COL22A1: variants seen among roughly 807,000 people sequenced by gnomAD.
COL22A1 encodes collagen alpha-1(XXII) chain.
COL22A1 carries 221 observed loss-of-function variants against 248.9 expected under a neutral mutation model. The observed-to-expected ratio is 0.89, with a 90% CI of 0.80 to 0.99. The LOEUF (loss-of-function observed/expected upper bound fraction) is 0.99. Among genes scored for constraint, COL22A1 ranks in the 50% least tolerant of loss-of-function variants. The probability of loss-of-function intolerance (pLI) is 0.00; values close to 1 mark genes in which losing one functional copy is unlikely to be tolerated. For missense variants in COL22A1, 2,240 were observed against 2,179.0 expected (o/e 1.03, Z -0.56); for synonymous variants, 891 against 793.4 (o/e 1.12, Z -2.07).
chr8:138,590,561 T>A (rs1816956057), intron 64 of COL22A1, among the ~76,000 whole-genome samples: 1 of 152,044 alleles, frequency 6.6e-6, no homozygotes, highest in Admixed American at 6.5e-5. Context: ...TTTCTAATTA[T>A]CTTATCTAAC....
intron 12 of COL22A1, among the ~76,000 whole-genome samples, chr8:138,784,870 T>C (rs1290434471): frequency 6.6e-6 from 1 of 152,146 alleles, no homozygotes; most frequent in Non-Finnish European, 1.5e-5. Flanking sequence ...TGCCCAAAGT[T>C]ACAGTGCTTA....
chr8:138,868,235 C>G (rs777261486), intron 3 of COL22A1, among the ~76,000 whole-genome samples: 3 of 152,162 alleles, frequency 2.0e-5, no homozygotes, highest in Non-Finnish European at 2.9e-5. Flanking sequence ...CCAGGCCTTC[C>G]CTGACTTCTC....
chr8:138,806,191 GGT>G (rs754899344), intron 10 of COL22A1, among the ~76,000 whole-genome samples: 1,667 of 96,846 alleles, frequency 0.017, 50 homozygotes, highest in African/African-American at 0.08. Flanking sequence ...GGTGTGTGAT[GGT>G]GTGTGTGTGA....
chr8:138,683,903 T>G (rs1360564595), intron 39 of COL22A1, among the ~76,000 whole-genome samples: 4 of 152,188 alleles, frequency 2.6e-5, no homozygotes, highest in Non-Finnish European at 4.4e-5. Flanking sequence ...CATTTAATGG[T>G]AAGTATTTAT....
intron 13 of COL22A1, among the ~76,000 whole-genome samples, chr8:138,780,109 C>T (rs1814825158): frequency 6.6e-6 from 1 of 152,158 alleles, no homozygotes; most frequent in African/African-American, 2.4e-5. Flanking sequence ...TGGAAGTCAA[C>T]AAAATTAACT....
chr8:138,703,286 T>C lies in COL22A1; in HGVS notation c.2559+20A>G, dbSNP rs768442066. 6.2e-7 allele frequency: 1 copy of C among 1,607,260 alleles called. No individual in the cohort carries two copies. Among genetic ancestry groups the C allele is most frequent in the Non-Finnish European group, 8.5e-7 (1 of 1,173,930 alleles). On this transcript the variant is annotated intron_variant, in intron 31 of 64. Coordinates refer to ENST00000303045, the MANE Select transcript of COL22A1 (RefSeq NM_152888.3). ...ATATAGGAATTCAGAGGAGAAAGAATTAGAAGCGGAGTAACTTACAGTTCC... is the reference window on the plus strand; with the variant it reads ...ATATAGGAATTCAGAGGAGAAAGAACTAGAAGCGGAGTAACTTACAGTTCC...
chr8:138,836,699 A>T (rs1352208795), intron 4 of COL22A1, among the ~76,000 whole-genome samples: 2 of 152,216 alleles, frequency 1.3e-5, no homozygotes, highest in East Asian at 3.9e-4. Flanking sequence ...CAATTTGATC[A>T]TCTTTTGTGT....
At chr8:138,631,447 T>C (rs1185366149) in intron 49 of COL22A1, among the ~76,000 whole-genome samples, 1 of 152,154 alleles carries the variant, frequency 6.6e-6, no homozygotes, top group Non-Finnish European at 1.5e-5. Context: ...AGGATGGGCA[T>C]TTTCAGCTAA....
At chr8:138,647,599 C>A (rs1039774482) in intron 46 of COL22A1, among the ~76,000 whole-genome samples, 2 of 152,116 alleles carry the variant, frequency 1.3e-5, no homozygotes, top group Admixed American at 1.3e-4. Context: ...ACTTTCATAA[C>A]CATTTTCTTA....
chr8:138,631,774 A>G (rs1820740019), intron 49 of COL22A1, among the ~76,000 whole-genome samples: 1 of 152,144 alleles, frequency 6.6e-6, no homozygotes, highest in African/African-American at 2.4e-5. Flanking sequence ...TACCAGACCC[A>G]AAACTGAAAG....
At chr8:138,713,863 C>A (rs1298475006) in intron 30 of COL22A1, among the ~76,000 whole-genome samples, 3 of 152,180 alleles carry the variant, frequency 2.0e-5, no homozygotes, top group African/African-American at 7.2e-5. Context: ...ACTTGCACCT[C>A]TAGACCAGAC....
chr8:138,762,519 A>T, intron 16 of COL22A1, 53 bp from the exon 17 acceptor site: 2 of 1,557,662 alleles, frequency 1.3e-6, no homozygotes, highest in Middle Eastern at 1.7e-4. Flanking sequence ...CACAGGCAGC[A>T]GCCCAGCACA....
At chr8:138,720,718 A>G in intron 27 of COL22A1, 21 bp downstream of exon 27, 1 of 1,604,310 alleles carries the variant, frequency 6.2e-7, no homozygotes, top group Non-Finnish European at 8.5e-7. Context: ...GCATAATGGG[A>G]AAAAGAGGCA....
At chr8:138,848,896 C>T (rs540815821) in intron 3 of COL22A1, among the ~76,000 whole-genome samples, 48 of 152,320 alleles carry the variant, frequency 3.2e-4, no homozygotes, top group African/African-American at 1.0e-3. Context: ...GATGCCAGGG[C>T]AGCCCTGCCG....
rs1193841655 is a variant in COL22A1 at position 138,588,627 on chromosome 8, T to C, written c.*626A>G. The C allele has an allele frequency of 6.6e-6, 1 of 152,128 alleles. No individual in the cohort carries two copies. Among genetic ancestry groups the C allele is most frequent in the East Asian group, 1.9e-4 (1 of 5,196 alleles). 9.4% of individuals were successfully genotyped at this position (152,128 alleles called of 1,614,324 possible). A position where few individuals can be genotyped will look rare whatever the true frequency, so the allele number is the denominator to read the frequency against. On this transcript the variant is annotated 3_prime_UTR_variant, in exon 65 of 65. Coordinates refer to ENST00000303045, the MANE Select transcript of COL22A1 (RefSeq NM_152888.3). ...GCTTAGAGCACTGAGGTGGCTGGAG[T>C]GCACCCTGAGGGCTGATTCTGTGTT...
rs1210550087 is a variant in COL22A1, at chr8:138,779,563, CT to C, written c.1651-2del. On this transcript the variant is annotated splice_acceptor_variant, in intron 13 of 64. Transcript: ENST00000303045. LOFTEE classifies it high-confidence loss of function. ...GCTCTCCCAGCTCTCCTGGCTCCCC[CT>C]GAACAAACAAAACAACACAAAGTCA... 3.7e-6 allele frequency: 6 copies of C among 1,611,998 alleles called. No homozygotes were observed. The East Asian group carries it at 1.3e-4, about 36-fold the overall frequency.
chr8:138,901,081 T>C (rs1204456173), intron 1 of COL22A1, among the ~76,000 whole-genome samples: 1 of 151,802 alleles, frequency 6.6e-6, no homozygotes, highest in Non-Finnish European at 1.5e-5. Context: ...TGTTTGGAAA[T>C]ATTTCCTGTG....
chr8:138,728,223 A>T (rs1830464224), intron 23 of COL22A1, among the ~76,000 whole-genome samples: 1 of 151,684 alleles, frequency 6.6e-6, no homozygotes. Flanking sequence ...AGAAACAGGG[A>T]CTTGCTATAT....
intron 46 of COL22A1, among the ~76,000 whole-genome samples, chr8:138,648,698 T>A (rs904950644): frequency 6.6e-6 from 1 of 152,116 alleles, no homozygotes; most frequent in African/African-American, 2.4e-5. Flanking sequence ...TGTCTAGGGA[T>A]TGGTATCTCC....
Sources: allele counts gnomAD v4.1 joint callset (sites outside exome capture counted in the v4.1 genomes callset), GRCh38; gene constraint gnomAD v4.1.1; transcripts MANE v1.5; gene names NCBI Gene and HGNC (gene_info 2026-07-23, HGNC 2026-07-21).